PABIR3: variants seen among roughly 807,000 people sequenced by gnomAD.
PABIR3 encodes the protein PABIR family member 1.
In PABIR3, 20 loss-of-function variants were observed where a neutral mutation model predicts 23.1. The ratio of observed to expected loss-of-function variants is 0.86; its 90% CI spans 0.61 to 1.26. The LOEUF (loss-of-function observed/expected upper bound fraction) is 1.26, where lower values mean the gene tolerates loss of function less well. Ranked by LOEUF, PABIR3 falls within the 50% of genes most tolerant of loss-of-function variation. The probability of loss-of-function intolerance (pLI) is 0.00; values close to 1 mark genes in which losing one functional copy is unlikely to be tolerated. For missense variants in PABIR3, 189 were observed against 195.4 expected (o/e 0.97, Z 0.20); for synonymous variants, 69 against 68.5 (o/e 1.01, Z -0.04).
chrX:134,845,270 A>G (rs2082394546), intron 5 of PABIR3, 22 bp downstream of exon 5: 7 of 1,180,099 alleles, frequency 5.9e-6, no homozygotes, highest in Admixed American at 2.3e-5. Context: ...ACTTTGAATT[A>G]CTATTCTGAT....
chrX:134,816,797 A>G (rs1019666366), intron 3 of PABIR3, among the ~76,000 whole-genome samples: 1 of 112,345 alleles, frequency 8.9e-6, no homozygotes, highest in African/African-American at 3.2e-5. Context: ...TGTATTATAG[A>G]TTTCTCTTAT....
intron 8 of PABIR3, 100 bp from the exon 9 acceptor site, chrX:134,849,067 C>T: frequency 3.3e-6 from 1 of 303,792 alleles, no homozygotes; most frequent in Non-Finnish European, 5.5e-6. Context: ...TACACAGAGT[C>T]CCGTTTTTGT....
chrX:134,800,987 T>C (rs2148050808), intron 1 of PABIR3, among the ~76,000 whole-genome samples: 1 of 111,750 alleles, frequency 8.9e-6, no homozygotes, highest in South Asian at 3.7e-4. Flanking sequence ...GTACCACAAG[T>C]ATTAAACCAC....
At position 134,807,306 on chromosome X, in the gene PABIR3, C is replaced by T. The variant is rs941666033; in HGVS notation, c.-95C>T. 26 of 935,362 alleles carry T rather than the reference C, an allele frequency of 2.8e-5. No individual in the cohort carries two copies. In the African/African-American group the frequency reaches 4.9e-4, roughly 18 times the overall value. The allele number at this position is 935,362 out of a possible 1,213,427, so 77.1% of individuals were successfully genotyped here. A position where few individuals can be genotyped will look rare whatever the true frequency, so the allele number is the denominator to read the frequency against. ...GATGGAGAAGGATTCGCGGCGGTGA[C>T]AGATTAAATTCCCCAGTTACATTAT... On this transcript the variant is annotated 5_prime_UTR_variant, in exon 1 of 11. Coordinates refer to ENST00000645433, the MANE Select transcript of PABIR3 (RefSeq NM_001388447.1).
the PABIR3 span, among the ~76,000 whole-genome samples, chrX:134,860,379 G>A: frequency 1.8e-5 from 2 of 111,834 alleles, no homozygotes; most frequent in Admixed American, 9.6e-5. Flanking sequence ...GGGAGCCACC[G>A]CACCTGGACC....
At chrX:134,851,073 T>C (rs12009149) in intron 9 of PABIR3, among the ~76,000 whole-genome samples, 1,339 of 109,910 alleles carry the variant, frequency 0.012, 29 homozygotes, top group African/African-American at 0.042. Flanking sequence ...TTAATACAAA[T>C]GAAATGTGGG....
Position 134,833,319 on chromosome X carries a change from C to T in PABIR3, c.246+4037C>T, listed in dbSNP as rs189885206. Among the ~76,000 whole-genome samples, 704 of 110,915 alleles carry T rather than the reference C, an allele frequency of 6.3e-3. 2 individuals carry two copies. Among genetic ancestry groups the T allele is most frequent in the African/African-American group, 0.022 (675 of 30,532 alleles). On this transcript the variant is annotated intron_variant, in intron 4 of 10. Coordinates refer to ENST00000645433, the MANE Select transcript of PABIR3 (RefSeq NM_001388447.1). ...GGGAGAGAGTGCTTTAAATTTCTGACATATCTTTTTACCCAAGTTTATGGG... is the reference window on the plus strand; with the variant it reads ...GGGAGAGAGTGCTTTAAATTTCTGATATATCTTTTTACCCAAGTTTATGGG...
In PABIR3 at chrX:134,854,236, A is replaced by C. The variant is rs753482524; in HGVS notation, c.*19A>C. 10 of 1,197,267 alleles carry C rather than the reference A, an allele frequency of 8.4e-6. No homozygotes were observed. The highest frequency in any genetic ancestry group is 4.5e-6 in the Non-Finnish European group (4 of 888,357). ...GTTCTAGTAGACAAACTTTCAACTA[A>C]ATGATTCACCCATCCCAAGACTTTC... On this transcript the variant is annotated 3_prime_UTR_variant, in exon 11 of 11. Coordinates refer to ENST00000645433, the MANE Select transcript of PABIR3 (RefSeq NM_001388447.1).
intron 2 of PABIR3, 130 bp downstream of exon 2, chrX:134,807,838 G>A (rs1272755211): frequency 4.1e-5 from 29 of 705,840 alleles, no homozygotes; most frequent in Non-Finnish European, 5.6e-5. Flanking sequence ...CCTGGTGTCC[G>A]GAGATCCCAC....
At chrX:134,841,687 G>A (rs1215451922) in intron 4 of PABIR3, among the ~76,000 whole-genome samples, 5 of 109,749 alleles carry the variant, frequency 4.6e-5, no homozygotes, top group Non-Finnish European at 9.5e-5. Context: ...AAATTAACTG[G>A]GTGTGGTGGC....
chrX:134,825,523 G>T (rs928227924), intron 3 of PABIR3, among the ~76,000 whole-genome samples: 3 of 111,982 alleles, frequency 2.7e-5, no homozygotes, highest in Non-Finnish European at 5.6e-5. Context: ...ATCCAGAAAA[G>T]ATTTCTGACT....
intron 3 of PABIR3, among the ~76,000 whole-genome samples, chrX:134,815,466 CTG>C (rs1257352124): frequency 2.7e-5 from 3 of 111,524 alleles, no homozygotes; most frequent in Non-Finnish European, 5.6e-5. Flanking sequence ...ATTCAATTAA[CTG>C]TTTTAAAATA....
intron 2 of PABIR3, chrX:134,809,427 A>C: frequency 1.5e-6 from 1 of 645,748 alleles, no homozygotes; most frequent in South Asian, 7.9e-5. Flanking sequence ...GGCCTCCCAA[A>C]GTGTTGGGAT....
the PABIR3 span, among the ~76,000 whole-genome samples, chrX:134,861,673 CAAA>C: frequency 9.7e-5 from 3 of 30,940 alleles, no homozygotes; most frequent in Non-Finnish European, 1.2e-4. Context: ...GACTCCGCCT[CAAA>C]AAAAAAAAAA....
At chrX:134,843,547 T>C (rs188492862) in intron 4 of PABIR3, among the ~76,000 whole-genome samples, 45 of 104,774 alleles carry the variant, frequency 4.3e-4, no homozygotes, top group African/African-American at 1.5e-3. Flanking sequence ...TCATGTATTA[T>C]GTAAAGGCTT....
chrX:134,817,892 G>C (rs1025223619), intron 3 of PABIR3, among the ~76,000 whole-genome samples: 4 of 111,306 alleles, frequency 3.6e-5, no homozygotes, highest in African/African-American at 1.3e-4. Flanking sequence ...ATTGGAAGAG[G>C]GCAAACGTAT....
chrX:134,855,206 G>A (rs181247536), downstream of PABIR3, among the ~76,000 whole-genome samples: 20 of 110,540 alleles, frequency 1.8e-4, no homozygotes, highest in African/African-American at 6.2e-4. Context: ...AGGCCAAGGC[G>A]GGTGGATCAC....
intron 1 of PABIR3, among the ~76,000 whole-genome samples, chrX:134,801,992 G>A (rs767183715): frequency 9.1e-6 from 1 of 109,757 alleles, no homozygotes; most frequent in South Asian, 3.9e-4. Context: ...AACGTCTGCT[G>A]CAGACACGAA....
chrX:134,849,869 C>CTTTTTTTTTTTT lies in PABIR3; in HGVS notation c.589+648_589+659dup, dbSNP rs374919785. Among the ~76,000 whole-genome samples the CTTTTTTTTTTTT allele has an allele frequency of 3.7e-3, 216 of 58,847 alleles. 50 individuals carry two copies. The highest frequency in any genetic ancestry group is 0.01 in the African/African-American group (137 of 13,193). 51.1% of individuals were successfully genotyped at this position (58,847 alleles called of 115,157 possible). A position where few individuals can be genotyped will look rare whatever the true frequency, so the allele number is the denominator to read the frequency against. On this transcript the variant is annotated intron_variant, in intron 9 of 10. Coordinates refer to ENST00000645433, the MANE Select transcript of PABIR3 (RefSeq NM_001388447.1). ...ACCTCACTAAATTATGCTCTTCTTC[C>CTTTTTTTTTTTT]TTTTTTTTTTTTTTTTTTCTTGAGA... is the stretch of plus-strand genomic sequence containing the variant.
Sources: gnomAD v4.1 joint callset for allele counts (sites outside exome capture counted in the v4.1 genomes callset) on GRCh38, gnomAD v4.1.1 for gene constraint, MANE v1.5 for transcripts, NCBI Gene and HGNC (gene_info 2026-07-23, HGNC 2026-07-21) for gene names.